The following MTX3 variants were observed in gnomAD, a reference collection of about 807,000 sequenced individuals.
MTX3 encodes metaxin-3.
Under a neutral mutation model 42.5 loss-of-function variants are expected in MTX3, and 27 were observed. That is an observed-to-expected ratio of 0.64 (90% confidence interval 0.47 to 0.88). MTX3 has a LOEUF of 0.88. MTX3 is among the 40% of genes least tolerant of loss of function. The pLI is 0.00. For synonymous variants in MTX3, 144 were observed against 132.9 expected (o/e 1.08, Z -0.57); for missense variants, 378 against 367.0 (o/e 1.03, Z -0.25).
At chr5:79,987,243 T>C in intron 6 of MTX3, 136 bp from the exon 7 acceptor site, 14 of 658,948 alleles carry the variant, frequency 2.1e-5, no homozygotes, top group South Asian at 4.7e-5. Context: ...GAGTTCCAGA[T>C]AAGCCTGGCC....
At chr5:79,984,109 C>T (rs1044497600) in intron 8 of MTX3, among the ~76,000 whole-genome samples, 2 of 152,246 alleles carry the variant, frequency 1.3e-5, no homozygotes, top group Admixed American at 6.5e-5. Flanking sequence ...AGTGTAAAAG[C>T]GGTACTGTTA....
At chr5:79,986,094 G>A (rs1831483651) in intron 7 of MTX3, among the ~76,000 whole-genome samples, 1 of 144,810 alleles carries the variant, frequency 6.9e-6, no homozygotes, top group South Asian at 2.1e-4. Flanking sequence ...AAAGTATTCA[G>A]AAGAACTTAA....
intron 4 of MTX3, 106 bp from the exon 5 acceptor site, chr5:79,988,750 C>T (rs371044620): frequency 1.1e-5 from 12 of 1,056,970 alleles, no homozygotes; most frequent in African/African-American, 4.8e-5. Flanking sequence ...GAAGTGTCTT[C>T]ATACAAATTT....
rs780952964 is a variant in MTX3 at position 79,980,633 on chromosome 5, T to C, written c.*3051A>G. On this transcript the variant is annotated 3_prime_UTR_variant, in exon 9 of 9. Transcript: ENST00000512528. ...TTGTTCATGGAAGATCTTCATCTTA[T>C]GGGAATTATCTAGTTTTTCTAATCA... is the stretch of plus-strand genomic sequence containing the variant. 8 of 151,954 alleles carry C rather than the reference T, an allele frequency of 5.3e-5. No homozygotes were observed. Among genetic ancestry groups the C allele is most frequent in the African/African-American group, 1.2e-4 (5 of 41,366 alleles). 9.4% of individuals were successfully genotyped at this position (151,954 alleles called of 1,614,324 possible). A position where few individuals can be genotyped will look rare whatever the true frequency, so the allele number is the denominator to read the frequency against.
At position 79,982,405 on chromosome 5, in the gene MTX3, T is replaced by A; in HGVS notation, c.*1279A>T. ...AAAGCTCATTTTCTTAACATATGGGTTCCTGCACGACTTGATAAGATTTGC... is the reference window on the plus strand; with the variant it reads ...AAAGCTCATTTTCTTAACATATGGGATCCTGCACGACTTGATAAGATTTGC... On this transcript the variant is annotated 3_prime_UTR_variant, in exon 9 of 9. Transcript: ENST00000512528. 2.2e-6 allele frequency: 1 copy of A among 456,596 alleles called. No homozygotes were observed. The highest frequency in any genetic ancestry group is 4.4e-6 in the Non-Finnish European group (1 of 226,896). The allele number at this position is 456,596 out of a possible 1,614,324, so 28.3% of individuals were successfully genotyped here.
intron 4 of MTX3, among the ~76,000 whole-genome samples, chr5:79,988,916 A>G (rs1406660292): frequency 6.6e-6 from 1 of 152,256 alleles, no homozygotes; most frequent in Non-Finnish European, 1.5e-5. Context: ...CTATACATGG[A>G]GCAAAAAGAT....
In MTX3 at chr5:79,977,141, AT is replaced by A. The variant is rs1420795926; in HGVS notation, c.*6542del. On this transcript the variant is annotated 3_prime_UTR_variant, in exon 9 of 9. Coordinates refer to ENST00000512528, the MANE Select transcript of MTX3 (RefSeq NM_001363818.2). Reference sequence around the variant, plus strand: ...AAAATGAACAGAAAAATGGAAAAACATTATTTCCCATTTCATAAAATTAAAA... The same window carrying A: ...AAAATGAACAGAAAAATGGAAAAACATATTTCCCATTTCATAAAATTAAAA... The A allele has an allele frequency of 2.6e-5, 4 of 152,366 alleles. No homozygotes were observed. The highest frequency in any genetic ancestry group is 7.2e-5 in the African/African-American group (3 of 41,594). 9.4% of individuals were successfully genotyped at this position (152,366 alleles called of 1,614,324 possible).
In MTX3 at chr5:79,983,085, T is replaced by G. The variant is rs969182740; in HGVS notation, c.*599A>C. 1.9e-5 allele frequency: 3 copies of G among 154,312 alleles called. No individual in the cohort carries two copies. The highest frequency in any genetic ancestry group is 7.2e-5 in the African/African-American group (3 of 41,462). The allele number at this position is 154,312 out of a possible 1,614,324, so 9.6% of individuals were successfully genotyped here. ...TATTATATGTAACCACCTTTAATAT[T>G]TATCTATGTGCTACTAAACCCCCAA... On this transcript the variant is annotated 3_prime_UTR_variant, in exon 9 of 9. Coordinates refer to ENST00000512528, the MANE Select transcript of MTX3 (RefSeq NM_001363818.2).
rs1831421257 is a variant in MTX3, at chr5:79,983,634, A to C, written c.*50T>G. 16 of 1,328,084 alleles carry C rather than the reference A, an allele frequency of 1.2e-5. No homozygotes were observed. The highest frequency in any genetic ancestry group is 1.6e-5 in the Non-Finnish European group (15 of 918,980). The allele number at this position is 1,328,084 out of a possible 1,614,324, so 82.3% of individuals were successfully genotyped here. On this transcript the variant is annotated 3_prime_UTR_variant, in exon 9 of 9. Coordinates refer to ENST00000512528, the MANE Select transcript of MTX3 (RefSeq NM_001363818.2). ...TTTTTGCCTTCACACACTTGGTGTAAGAGATTACTGCAACAATCGTTTGAC... is the reference window on the plus strand; with the variant it reads ...TTTTTGCCTTCACACACTTGGTGTACGAGATTACTGCAACAATCGTTTGAC...
chr5:79,991,042 G>A (rs1158369678), intron 1 of MTX3, 116 bp downstream of exon 1: 2 of 1,070,218 alleles, frequency 1.9e-6, no homozygotes, highest in African/African-American at 3.1e-5. Flanking sequence ...GCAATGCAGC[G>A]TGCAGCGGCT....
intron 8 of MTX3, among the ~76,000 whole-genome samples, chr5:79,985,188 A>C (rs1831462724): frequency 6.6e-6 from 1 of 152,068 alleles, no homozygotes; most frequent in African/African-American, 2.4e-5. Flanking sequence ...TCGCCGTATA[A>C]GCCAGGATGG....
In MTX3 at chr5:79,980,392, T is replaced by A. The variant is rs1179748509; in HGVS notation, c.*3292A>T. 6.6e-6 allele frequency: 1 copy of A among 152,188 alleles called. No homozygotes were observed. Among genetic ancestry groups the A allele is most frequent in the Non-Finnish European group, 1.5e-5 (1 of 68,050 alleles). 9.4% of individuals were successfully genotyped at this position (152,188 alleles called of 1,614,324 possible). The stretch of plus-strand genomic sequence containing the variant: ...AGCAATATTGAATAGAAATTATAAA[T>A]GGAAATAAAAATGCTTGCTTTTATA... On this transcript the variant is annotated 3_prime_UTR_variant, in exon 9 of 9. Coordinates refer to ENST00000512528, the MANE Select transcript of MTX3 (RefSeq NM_001363818.2).
chr5:79,988,725 T>A, intron 4 of MTX3, 81 bp from the exon 5 acceptor site: 2 of 1,232,010 alleles, frequency 1.6e-6, no homozygotes, highest in Non-Finnish European at 2.2e-6. Context: ...GAGTTTTTCA[T>A]AAATATCTTT....
At chr5:79,991,000 G>A in intron 1 of MTX3, 158 bp downstream of exon 1, 1 of 824,146 alleles carries the variant, frequency 1.2e-6, no homozygotes, top group Non-Finnish European at 2.0e-6. Context: ...GTATCGGCCA[G>A]GTTGGGACTC....
intron 3 of MTX3, 107 bp from the exon 4 acceptor site, chr5:79,989,351 T>C (rs1831572823): frequency 2.9e-6 from 2 of 685,736 alleles, no homozygotes; most frequent in Non-Finnish European, 4.8e-6. Flanking sequence ...ATAGCAAACG[T>C]GGTATTAAAA....
At chr5:79,985,831 G>A (rs1831476149) in intron 7 of MTX3, among the ~76,000 whole-genome samples, 172 bp from the exon 8 acceptor site, 1 of 150,204 alleles carries the variant, frequency 6.7e-6, no homozygotes, top group Non-Finnish European at 1.5e-5. Flanking sequence ...GGATTCGAAT[G>A]CTCTAAAACT....
In MTX3 at chr5:79,983,212, C is replaced by G. The variant is rs1831411393; in HGVS notation, c.*472G>C. On this transcript the variant is annotated 3_prime_UTR_variant, in exon 9 of 9. Coordinates refer to ENST00000512528, the MANE Select transcript of MTX3 (RefSeq NM_001363818.2). ...TGAAGCAATTTATCTTTTTCTGGTT[C>G]CTAAAATAGGCATCAAATTTCTAAA... The G allele has an allele frequency of 6.4e-6, 1 of 155,396 alleles. No homozygotes were observed. The highest frequency in any genetic ancestry group is 1.4e-5 in the Non-Finnish European group (1 of 70,140). The allele number at this position is 155,396 out of a possible 1,614,324, so 9.6% of individuals were successfully genotyped here.
In MTX3 at chr5:79,980,485, T is replaced by C. The variant is rs888333813; in HGVS notation, c.*3199A>G. The C allele has an allele frequency of 6.6e-6, 1 of 152,104 alleles. No individual in the cohort carries two copies. The highest frequency in any genetic ancestry group is 1.5e-5 in the Non-Finnish European group (1 of 68,034). 9.4% of individuals were successfully genotyped at this position (152,104 alleles called of 1,614,324 possible). A position where few individuals can be genotyped will look rare whatever the true frequency, so the allele number is the denominator to read the frequency against. On this transcript the variant is annotated 3_prime_UTR_variant, in exon 9 of 9. Transcript: ENST00000512528. ...CTTAAGTTGAAATTTGGTTTGTTAA[T>C]GCCCACCTTGTGTGGTCAAAACACA...
At chr5:79,988,710 C>T in intron 4 of MTX3, 66 bp from the exon 5 acceptor site, 4 of 1,362,024 alleles carry the variant, frequency 2.9e-6, no homozygotes, top group Middle Eastern at 3.9e-4. Flanking sequence ...ACTCAATCAA[C>T]ATGAGAGTTT....
Sources: allele counts gnomAD v4.1 joint callset (sites outside exome capture counted in the v4.1 genomes callset), GRCh38; gene constraint gnomAD v4.1.1; transcripts MANE v1.5; gene names NCBI Gene and HGNC (gene_info 2026-07-23, HGNC 2026-07-21).